RAB3GAP1: variants seen among roughly 807,000 people sequenced by gnomAD.
RAB3GAP1 encodes RAB3 GTPase activating protein catalytic subunit 1, also known as rab3 GTPase-activating protein catalytic subunit.
RAB3GAP1 carries 86 observed loss-of-function variants against 130.7 expected under a neutral mutation model. The observed-to-expected ratio is 0.66, with a 90% CI of 0.55 to 0.79. The LOEUF (loss-of-function observed/expected upper bound fraction) is 0.79. Ranked by LOEUF, RAB3GAP1 falls within the 30% of genes least tolerant of loss-of-function variation. The pLI is 0.00. For synonymous variants in RAB3GAP1, 367 were observed against 401.7 expected (o/e 0.91, Z 1.03); for missense variants, 1,029 against 1,169.4 (o/e 0.88, Z 1.75).
chr2:135,130,037 A>C lies in RAB3GAP1; in HGVS notation c.1016A>C (p.Glu339Ala). The C allele has an allele frequency of 6.2e-7, 1 of 1,613,280 alleles. No homozygotes were observed. The highest frequency in any genetic ancestry group is 8.5e-7 in the Non-Finnish European group (1 of 1,179,682). The stretch of plus-strand genomic sequence containing the variant: ...TTTTTTAAAATTTGCCGTCGAAAGG[A>C]GTCAACTGATGAGATTCTTGGACGA... ...TEFFKICRRK[E>A]STDEILGRSA... The change falls in exon 12 of 24, where the codon GAG (glutamate) becomes GCG (alanine). Residue 339 changes from glutamate (E) to alanine (A), a missense_variant. By Grantham distance (107) the Glu-to-Ala change is moderately radical. Transcript: ENST00000264158.
chr2:135,121,993 T>G (rs958790843), intron 8 of RAB3GAP1, among the ~76,000 whole-genome samples: 1 of 152,022 alleles, frequency 6.6e-6, no homozygotes, highest in African/African-American at 2.4e-5. Flanking sequence ...CTCTGGAGGC[T>G]GAGGCAGGAG....
intron 5 of RAB3GAP1, among the ~76,000 whole-genome samples, chr2:135,109,565 C>CA (rs942181233): frequency 2.1e-4 from 32 of 151,116 alleles, no homozygotes; most frequent in African/African-American, 6.3e-4. Flanking sequence ...TTTTGCTCTC[C>CA]AAAAAAAATT....
intron 6 of RAB3GAP1, among the ~76,000 whole-genome samples, chr2:135,113,709 A>G (rs988443801): frequency 2.6e-5 from 4 of 152,078 alleles, no homozygotes; most frequent in Non-Finnish European, 2.9e-5. Context: ...TCTGAAGACT[A>G]TGTGATTCTC....
At chr2:135,083,560 C>G (rs1190470709) in intron 3 of RAB3GAP1, among the ~76,000 whole-genome samples, 1 of 151,914 alleles carries the variant, frequency 6.6e-6, no homozygotes, top group African/African-American at 2.4e-5. Flanking sequence ...TCCTGGGTCT[C>G]AAGTGATCCT....
chr2:135,068,137 C>T (rs1217965986), intron 3 of RAB3GAP1, among the ~76,000 whole-genome samples: 2 of 152,070 alleles, frequency 1.3e-5, no homozygotes, highest in Non-Finnish European at 2.9e-5. Context: ...GCAATAAAAA[C>T]GATTGTTTCT....
intron 15 of RAB3GAP1, among the ~76,000 whole-genome samples, chr2:135,134,300 TC>T (rs992199036): frequency 6.6e-5 from 10 of 152,170 alleles, no homozygotes; most frequent in Admixed American, 1.3e-4. Flanking sequence ...TTACAGTTTT[TC>T]CCCCAATAAT....
At chr2:135,112,832 TCTCACACA>T (rs1189676321) in intron 5 of RAB3GAP1, among the ~76,000 whole-genome samples, 2 of 115,840 alleles carry the variant, frequency 1.7e-5, no homozygotes, top group African/African-American at 9.9e-5. Context: ...TCTCTCTCTC[TCTCACACA>T]CACACACACA....
intron 2 of RAB3GAP1, 33 bp from the exon 3 acceptor site, chr2:135,057,978 G>C (rs763224610): frequency 6.9e-7 from 1 of 1,442,384 alleles, no homozygotes; most frequent in Non-Finnish European, 9.8e-7. Flanking sequence ...AAGGTGTGCT[G>C]TTGTATTTAG....
intron 3 of RAB3GAP1, among the ~76,000 whole-genome samples, chr2:135,077,249 G>C (rs1050550580): frequency 2.0e-5 from 3 of 151,046 alleles, no homozygotes; most frequent in African/African-American, 7.4e-5. Context: ...CAGCCTGGGC[G>C]ACAGAGCAAG....
chr2:135,124,389 T>C, intron 9 of RAB3GAP1, 143 bp downstream of exon 9: 1 of 928,368 alleles, frequency 1.1e-6, no homozygotes, highest in Non-Finnish European at 1.7e-6. Flanking sequence ...ACACCTGGGC[T>C]GGGCACAGGC....
chr2:135,115,207 G>A lies in RAB3GAP1; in HGVS notation c.483-9G>A, dbSNP rs780815649. The A allele has an allele frequency of 3.1e-6, 5 of 1,602,076 alleles. No individual in the cohort carries two copies. In the African/African-American group the frequency reaches 5.4e-5, roughly 17 times the overall value. ...TTGTATTCCATTCCTATTTAATCATGTCTTGCAGTCAGGTGCCACTCTTTG... is the reference window on the plus strand; with the variant it reads ...TTGTATTCCATTCCTATTTAATCATATCTTGCAGTCAGGTGCCACTCTTTG... On this transcript the variant is annotated splice_polypyrimidine_tract_variant and intron_variant, in intron 6 of 23. Coordinates refer to ENST00000264158, the MANE Select transcript of RAB3GAP1 (RefSeq NM_012233.3).
chr2:135,124,035 C>G (rs1691274516), intron 8 of RAB3GAP1, 130 bp from the exon 9 acceptor site: 3 of 823,348 alleles, frequency 3.6e-6, no homozygotes, highest in Non-Finnish European at 4.0e-6. Context: ...GTAAGTTGGT[C>G]TAACTTGCTA....
rs368668498 is a variant in RAB3GAP1 at position 135,120,932 on chromosome 2, G to C, written c.748+14G>C. 2.6e-5 allele frequency: 40 copies of C among 1,512,678 alleles called. No individual in the cohort carries two copies. In the African/African-American group the frequency reaches 2.7e-4, roughly 10 times the overall value. 93.7% of individuals were successfully genotyped at this position (1,512,678 alleles called of 1,614,324 possible). On this transcript the variant is annotated intron_variant, in intron 8 of 23. Transcript: ENST00000264158. The stretch of plus-strand genomic sequence containing the variant: ...AGCAACCTCCAGGTGAGATCATTTA[G>C]AACTATATTTAACTTACTGAATATA...
chr2:135,093,550 G>T (rs1690205473), intron 4 of RAB3GAP1, 65 bp from the exon 5 acceptor site: 4 of 1,207,056 alleles, frequency 3.3e-6, no homozygotes, highest in Non-Finnish European at 3.7e-6. Context: ...TTTCCTCAAA[G>T]CATGTTATAA....
intron 3 of RAB3GAP1, chr2:135,058,718 C>T (rs1179531320): frequency 6.6e-6 from 1 of 152,154 alleles, no homozygotes; most frequent in East Asian, 1.9e-4. Context: ...CAAATGTTTA[C>T]TGAAGAATGT....
At chr2:135,144,021 G>A (rs933578074) in intron 17 of RAB3GAP1, among the ~76,000 whole-genome samples, 5 of 152,152 alleles carry the variant, frequency 3.3e-5, no homozygotes, top group African/African-American at 1.2e-4. Flanking sequence ...TCTGTGGCTG[G>A]CAATGCTTCT....
intron 17 of RAB3GAP1, among the ~76,000 whole-genome samples, chr2:135,144,497 G>A (rs1407919970): frequency 6.6e-6 from 1 of 152,224 alleles, no homozygotes. Flanking sequence ...ATGTAAATAG[G>A]TGAAGGGTGA....
At chr2:135,066,337 A>G (rs1689322572) in intron 3 of RAB3GAP1, among the ~76,000 whole-genome samples, 1 of 152,216 alleles carries the variant, frequency 6.6e-6, no homozygotes. Flanking sequence ...TTAAAAGGGA[A>G]GGAAATGGCA....
chr2:135,111,496 C>T (rs1485902184), intron 5 of RAB3GAP1, among the ~76,000 whole-genome samples: 1 of 152,050 alleles, frequency 6.6e-6, no homozygotes, highest in Non-Finnish European at 1.5e-5. Context: ...TTTTTTAACC[C>T]CTTTTTAATG....
Sources: allele counts gnomAD v4.1 joint callset (sites outside exome capture counted in the v4.1 genomes callset), GRCh38; gene constraint gnomAD v4.1.1; transcripts MANE v1.5; gene names NCBI Gene and HGNC (gene_info 2026-07-23, HGNC 2026-07-21).